Variants in CAMTA1 observed in about 807,000 individuals in gnomAD.
CAMTA1 encodes the protein calmodulin-binding transcription activator 1.
In CAMTA1, 27 loss-of-function variants were observed where a neutral mutation model predicts 170.9. That is an observed-to-expected ratio of 0.16 (90% CI 0.12 to 0.22). The LOEUF is 0.22. Ranked by LOEUF, CAMTA1 falls within the 10% of genes least tolerant of loss-of-function variation. The pLI, the probability that CAMTA1 is intolerant of heterozygous loss-of-function variation, is 1.00. For missense variants in CAMTA1, 1,619 were observed against 2,217.2 expected (o/e 0.73, Z 5.42); for synonymous variants, 833 against 891.5 (o/e 0.93, Z 1.17).
At chr1:7,110,406 G>C (rs530690913) in intron 4 of CAMTA1, among the ~76,000 whole-genome samples, 1 of 152,058 alleles carries the variant, frequency 6.6e-6, no homozygotes, top group African/African-American at 2.4e-5. Context: ...ATTAATCCTC[G>C]CAACAGCTCT....
chr1:7,180,511 CTTTTT>C (rs397862259), intron 4 of CAMTA1, among the ~76,000 whole-genome samples: 1 of 71,164 alleles, frequency 1.4e-5, no homozygotes, highest in African/African-American at 6.1e-5. Flanking sequence ...TGTCACTAGA[CTTTTT>C]TTTTTTTTTT....
At chr1:7,542,870 TGTGTGTGTG>T (rs1557887309) in intron 6 of CAMTA1, among the ~76,000 whole-genome samples, 19 of 150,872 alleles carry the variant, frequency 1.3e-4, no homozygotes, top group African/African-American at 4.2e-4. Context: ...TGTGTGTGTG[TGTGTGTGTG>T]TTTGAGCCGG....
chr1:7,263,678 G>A (rs1234328217), intron 5 of CAMTA1, among the ~76,000 whole-genome samples: 4 of 152,112 alleles, frequency 2.6e-5, no homozygotes, highest in Non-Finnish European at 5.9e-5. Flanking sequence ...TGGGCTTTCA[G>A]TAGAGTTCCT....
intron 5 of CAMTA1, among the ~76,000 whole-genome samples, chr1:7,254,571 G>A (rs1667088182): frequency 6.6e-6 from 1 of 152,154 alleles, no homozygotes. Flanking sequence ...TAGAAGCCCG[G>A]CATTAGGATG....
intron 6 of CAMTA1, among the ~76,000 whole-genome samples, chr1:7,478,607 C>A (rs754910042): frequency 3.9e-4 from 59 of 152,206 alleles, no homozygotes; most frequent in Non-Finnish European, 6.3e-4. Context: ...TTAATCCTTC[C>A]GTCGGCAGAG....
At chr1:7,597,912 G>T (rs1334660437) in intron 6 of CAMTA1, among the ~76,000 whole-genome samples, 2 of 151,350 alleles carry the variant, frequency 1.3e-5, no homozygotes, top group Non-Finnish European at 2.9e-5. Flanking sequence ...GTGGTGGTTT[G>T]CTGCGACTAT....
In CAMTA1 at chr1:7,293,097, C is replaced by T. The variant is rs1052051184; in HGVS notation, c.438+43471C>T. 2.6e-5 allele frequency among the ~76,000 whole-genome samples: 4 copies of T among 152,296 alleles called. No individual in the cohort carries two copies. The highest frequency in any genetic ancestry group is 2.1e-4 in the South Asian group (1 of 4,822). ...ACTGGAGCTTCCAGAGCCCAGGCTT[C>T]GTTGCTTTTCTGCTGTATTCCTGCC... On this transcript the variant is annotated intron_variant, in intron 5 of 22. Transcript: ENST00000303635. The surrounding 1 kb of genome is among the most constrained non-coding windows in gnomAD (Gnocchi z 4.1).
rs1685025297 is a variant in CAMTA1 at position 6,934,759 on chromosome 1, G to A, written c.234+109549G>A. On this transcript the variant is annotated intron_variant, in intron 3 of 22. Coordinates refer to ENST00000303635, the MANE Select transcript of CAMTA1 (RefSeq NM_015215.4). This position sits in a 1 kb window ranked among gnomAD's most constrained non-coding sequence, Gnocchi z 4.5. ...CTCTTCAGTGAAGGTATCTTGCAGAGGGCGTATGGTTGGAGAGGAAGGCAG... is the reference window on the plus strand; with the variant it reads ...CTCTTCAGTGAAGGTATCTTGCAGAAGGCGTATGGTTGGAGAGGAAGGCAG... Among the ~76,000 whole-genome samples, 1 of 152,154 alleles carries A rather than the reference G, an allele frequency of 6.6e-6. No homozygotes were observed.
chr1:7,086,938 C>T (rs1023498724), intron 3 of CAMTA1, among the ~76,000 whole-genome samples: 1 of 152,188 alleles, frequency 6.6e-6, no homozygotes, highest in Non-Finnish European at 1.5e-5. Flanking sequence ...TTGCCCCAGC[C>T]TCCTATGAAT....
chr1:7,104,144 C>T (rs1643293006), intron 4 of CAMTA1, among the ~76,000 whole-genome samples: 1 of 150,716 alleles, frequency 6.6e-6, no homozygotes, highest in Non-Finnish European at 1.5e-5. Flanking sequence ...CACACGTACA[C>T]ACAACACACA....
chr1:7,610,273 T>C (rs549280208), intron 6 of CAMTA1, among the ~76,000 whole-genome samples: 1 of 152,318 alleles, frequency 6.6e-6, no homozygotes, highest in Non-Finnish European at 1.5e-5. Context: ...CTGGGTCCTG[T>C]TCTGTCCCTG....
intron 3 of CAMTA1, among the ~76,000 whole-genome samples, chr1:6,986,963 C>A (rs1695455790): frequency 6.6e-6 from 1 of 152,088 alleles, no homozygotes; most frequent in African/African-American, 2.4e-5. Context: ...CCCCCAATGG[C>A]ATATGAGACC....
chr1:7,683,834 G>A (rs76500104), intron 11 of CAMTA1, among the ~76,000 whole-genome samples: 2 of 152,338 alleles, frequency 1.3e-5, no homozygotes, highest in East Asian at 3.9e-4. Flanking sequence ...TTGGGTGCAT[G>A]TGCTCCCCAG....
In CAMTA1 at chr1:7,065,833, G is replaced by T. The variant is rs147270571; in HGVS notation, c.235-25471G>T. On this transcript the variant is annotated intron_variant, in intron 3 of 22. Transcript: ENST00000303635. The surrounding 1 kb of genome is among the most constrained non-coding windows in gnomAD (Gnocchi z 5.2). ...TGTCAAAGAGCAAGTGGCCTTTAAGGCATGTTTATCTATTCCCTTACATTG... is the reference window on the plus strand; with the variant it reads ...TGTCAAAGAGCAAGTGGCCTTTAAGTCATGTTTATCTATTCCCTTACATTG... Among the ~76,000 whole-genome samples the T allele has an allele frequency of 6.6e-6, 1 of 152,148 alleles. No homozygotes were observed. The highest frequency in any genetic ancestry group is 1.5e-5 in the Non-Finnish European group (1 of 68,034).
chr1:7,316,980 C>G (rs961973161), intron 5 of CAMTA1, among the ~76,000 whole-genome samples: 1 of 152,204 alleles, frequency 6.6e-6, no homozygotes, highest in African/African-American at 2.4e-5. Flanking sequence ...AACTTCGAAG[C>G]AAATTCCGTC....
chr1:7,523,997 T>C (rs1374849370), intron 6 of CAMTA1, among the ~76,000 whole-genome samples: 1 of 152,096 alleles, frequency 6.6e-6, no homozygotes, highest in Non-Finnish European at 1.5e-5. Flanking sequence ...GGTCAGGAGT[T>C]TGAGACCAGC....
At position 6,785,507 on chromosome 1, in the gene CAMTA1, G is replaced by A. The variant is rs1461087311; in HGVS notation, c.-24G>A. On this transcript the variant is annotated 5_prime_UTR_variant, in exon 1 of 23. Coordinates refer to ENST00000303635, the MANE Select transcript of CAMTA1 (RefSeq NM_015215.4). Reference sequence around the variant, plus strand: ...CGGCGGTACGAGGCGCGCGCTCGGGGTCCCGGTCGCGAGGAGGAGGAGGAT... The same window carrying A: ...CGGCGGTACGAGGCGCGCGCTCGGGATCCCGGTCGCGAGGAGGAGGAGGAT... 3.8e-5 allele frequency: 40 copies of A among 1,041,486 alleles called. No individual in the cohort carries two copies. The highest frequency in any genetic ancestry group is 1.2e-6 in the Non-Finnish European group (1 of 858,680). 64.5% of individuals were successfully genotyped at this position (1,041,486 alleles called of 1,614,324 possible).
intron 11 of CAMTA1, among the ~76,000 whole-genome samples, chr1:7,712,857 C>T (rs2096581339): frequency 6.6e-6 from 1 of 152,008 alleles, no homozygotes; most frequent in Admixed American, 6.6e-5. Context: ...CTTAACATGG[C>T]AGCAGGCGAG....
intron 4 of CAMTA1, among the ~76,000 whole-genome samples, chr1:7,168,209 C>G (rs1467842581): frequency 1.3e-5 from 2 of 152,058 alleles, no homozygotes; most frequent in African/African-American, 4.8e-5. Context: ...ATGTTAGGCA[C>G]TTTGGTGGAA....
Sources: gnomAD v4.1 joint callset for allele counts (sites outside exome capture counted in the v4.1 genomes callset) on GRCh38, gnomAD v4.1.1 for gene constraint, Gnocchi (gnomAD v3.1) non-coding constraint, MANE v1.5 for transcripts, NCBI Gene and HGNC (gene_info 2026-07-23, HGNC 2026-07-21) for gene names.